The following NREP variants were observed in gnomAD, a reference collection of about 807,000 sequenced individuals.
The protein encoded by NREP is neuronal regeneration-related protein.
Under a neutral mutation model 8.6 loss-of-function variants are expected in NREP, and 5 were observed. The observed-to-expected ratio is 0.58, with a 90% CI of 0.30 to 1.22. The LOEUF (loss-of-function observed/expected upper bound fraction) is 1.22, where lower values mean the gene tolerates loss of function less well. Ranked by LOEUF, NREP falls within the 50% of genes most tolerant of loss-of-function variation. The pLI is 0.07. For synonymous variants in NREP, 27 were observed against 28.0 expected (o/e 0.96, Z 0.11); for missense variants, 86 against 82.5 (o/e 1.04, Z -0.17).
intron 2 of NREP, among the ~76,000 whole-genome samples, chr5:111,746,461 G>A (rs1270183186): frequency 1.3e-5 from 2 of 152,102 alleles, no homozygotes; most frequent in East Asian, 1.9e-4. Context: ...CAGCATCCAG[G>A]CTTTGGAAAA....
chr5:111,866,600 A>G (rs1272061308), intron 2 of NREP, among the ~76,000 whole-genome samples: 1 of 152,144 alleles, frequency 6.6e-6, no homozygotes, highest in East Asian at 1.9e-4. Context: ...TTCCTCAGGG[A>G]TCTAGAACTA....
chr5:111,956,048 C>G (rs943217802), intron 2 of NREP, among the ~76,000 whole-genome samples: 1 of 152,004 alleles, frequency 6.6e-6, no homozygotes, highest in Admixed American at 6.6e-5. Flanking sequence ...GTTACCCTCT[C>G]TAAATCCAAA....
chr5:111,903,273 C>G (rs886873454), intron 2 of NREP, among the ~76,000 whole-genome samples: 1 of 151,562 alleles, frequency 6.6e-6, no homozygotes, highest in Non-Finnish European at 1.5e-5. Flanking sequence ...TTAGTAGAGA[C>G]GGGGTTTCAC....
chr5:111,846,102 A>C (rs1753156884), intron 2 of NREP: 1 of 155,058 alleles, frequency 6.4e-6, no homozygotes, highest in East Asian at 1.9e-4. Context: ...AAAACAGAAA[A>C]TGATTTTACC....
intron 2 of NREP, among the ~76,000 whole-genome samples, chr5:111,962,003 T>C (rs1756492690): frequency 6.6e-6 from 1 of 152,162 alleles, no homozygotes; most frequent in Non-Finnish European, 1.5e-5. Context: ...CCTGCTTTCT[T>C]TCAATTCAGG....
At chr5:111,890,765 G>T (rs1339391164) in intron 2 of NREP, among the ~76,000 whole-genome samples, 1 of 152,228 alleles carries the variant, frequency 6.6e-6, no homozygotes, top group Non-Finnish European at 1.5e-5. Context: ...GATGTGGAGA[G>T]CAGTGTCTCA....
At chr5:111,832,535 CACAA>C (rs536705908) in intron 2 of NREP, among the ~76,000 whole-genome samples, 330 of 152,144 alleles carry the variant, frequency 2.2e-3, no homozygotes, top group Middle Eastern at 3.4e-3. Context: ...TGTCTCAGAA[CACAA>C]ACAAACAAAA....
chr5:111,900,617 G>GGA (rs2112547426), intron 2 of NREP, among the ~76,000 whole-genome samples: 1 of 151,790 alleles, frequency 6.6e-6, no homozygotes, highest in South Asian at 2.1e-4. Flanking sequence ...AGATCACCAG[G>GGA]GACTATCATG....
At chr5:111,847,979 A>C (rs570572086) in intron 2 of NREP, among the ~76,000 whole-genome samples, 1 of 152,320 alleles carries the variant, frequency 6.6e-6, no homozygotes, top group South Asian at 2.1e-4. Flanking sequence ...AAGACCACGC[A>C]GGACCTAGGA....
chr5:111,942,697 A>G (rs1168360057), intron 2 of NREP, among the ~76,000 whole-genome samples: 1 of 152,110 alleles, frequency 6.6e-6, no homozygotes, highest in Non-Finnish European at 1.5e-5. Flanking sequence ...ATAGAGTTTT[A>G]TACTCCAGAT....
At chr5:111,762,837 G>A (rs1002892311) in intron 2 of NREP, among the ~76,000 whole-genome samples, 7 of 152,212 alleles carry the variant, frequency 4.6e-5, no homozygotes, top group Admixed American at 2.0e-4. Flanking sequence ...ATGTGGAAGA[G>A]TAAAGGATTT....
At chr5:111,849,459 T>C (rs1460841328) in intron 2 of NREP, among the ~76,000 whole-genome samples, 1 of 152,166 alleles carries the variant, frequency 6.6e-6, no homozygotes, top group East Asian at 1.9e-4. Context: ...GAACTTTATC[T>C]TAAAAGCACT....
intron 2 of NREP, among the ~76,000 whole-genome samples, chr5:111,879,587 G>A (rs902115429): frequency 6.6e-6 from 1 of 152,168 alleles, no homozygotes; most frequent in African/African-American, 2.4e-5. Flanking sequence ...TATACTCAGT[G>A]CCTGATCCCA....
rs528274798 is a variant in NREP at position 111,850,212 on chromosome 5, C to T, written c.136-114705G>A. Among the ~76,000 whole-genome samples the T allele has an allele frequency of 1.6e-3, 247 of 152,266 alleles. 1 individual carries two copies. The highest frequency in any genetic ancestry group is 5.7e-3 in the African/African-American group (237 of 41,562). On this transcript the variant is annotated intron_variant, in intron 2 of 3. Coordinates refer to the NREP transcript ENST00000395634. Reference sequence around the variant, plus strand: ...TTTAGCCACTATTTAGTAGCTATAACTTCATCCTTTAGCTACTCTCTATTT... The same window carrying T: ...TTTAGCCACTATTTAGTAGCTATAATTTCATCCTTTAGCTACTCTCTATTT...
intron 2 of NREP, among the ~76,000 whole-genome samples, chr5:111,782,250 C>T (rs1751510363): frequency 6.6e-6 from 1 of 152,182 alleles, no homozygotes; most frequent in African/African-American, 2.4e-5. Context: ...GGAATATCCA[C>T]ATGTAGAGTA....
At chr5:111,962,068 T>C (rs1756494636) in intron 2 of NREP, among the ~76,000 whole-genome samples, 1 of 152,192 alleles carries the variant, frequency 6.6e-6, no homozygotes, top group African/African-American at 2.4e-5. Context: ...ATTCGTGCTC[T>C]AGCAGCCTCC....
Position 111,973,616 on chromosome 5 carries a change from A to G in NREP, c.135+1658T>C, listed in dbSNP as rs974075700. On this transcript the variant is annotated intron_variant, in intron 2 of 3. Coordinates refer to the NREP transcript ENST00000395634. ...TGTGTTCCTATATTCTGCTTATCAT[A>G]GTCTCTCCTCTACCTTGCTGTTTTT... 3.7e-4 allele frequency among the ~76,000 whole-genome samples: 56 copies of G among 152,180 alleles called. 1 individual carries two copies. The highest frequency in any genetic ancestry group is 1.3e-3 in the African/African-American group (55 of 41,444).
chr5:111,964,130 G>A (rs546814426), intron 2 of NREP, among the ~76,000 whole-genome samples: 30 of 152,130 alleles, frequency 2.0e-4, no homozygotes, highest in Admixed American at 2.6e-4. Flanking sequence ...TGTAATAGCC[G>A]TTCCCTTGCT....
At chr5:111,757,463 G>C, upstream of NREP, 1 of 985,198 alleles carries the variant, frequency 1.0e-6, no homozygotes. Flanking sequence ...TCCCGCTAGG[G>C]TGCTAGTGAA....
Sources: gnomAD v4.1 joint callset for allele counts (sites outside exome capture counted in the v4.1 genomes callset) on GRCh38, gnomAD v4.1.1 for gene constraint, MANE v1.5 for transcripts, NCBI Gene and HGNC (gene_info 2026-07-23, HGNC 2026-07-21) for gene names.